The following OTOGL variants were observed in gnomAD, a reference collection of about 807,000 sequenced individuals.
The protein encoded by OTOGL is otogelin like.
OTOGL carries 285 observed loss-of-function variants against 318.5 expected under a neutral mutation model. That is an observed-to-expected ratio of 0.89 (90% CI 0.81 to 0.99). OTOGL has a LOEUF of 0.99. OTOGL is among the 50% of genes least tolerant of loss of function. OTOGL has a pLI of 0.00. For missense variants in OTOGL, 2,899 were observed against 2,845.6 expected (o/e 1.02, Z -0.43); for synonymous variants, 987 against 936.5 (o/e 1.05, Z -0.99).
chr12:80,246,267 C>T (rs11507955), intron 11 of OTOGL, among the ~76,000 whole-genome samples: 1 of 149,182 alleles, frequency 6.7e-6, no homozygotes, highest in South Asian at 2.1e-4. Flanking sequence ...GCTTCCAGTT[C>T]TTGCCCATTC....
At chr12:80,260,795 G>A (rs1274326927) in intron 18 of OTOGL, among the ~76,000 whole-genome samples, 1 of 152,084 alleles carries the variant, frequency 6.6e-6, no homozygotes, top group Non-Finnish European at 1.5e-5. Context: ...CTCTAAGTCA[G>A]TTCCACCTGG....
rs1485344487 is a variant in OTOGL, at chr12:80,295,186, T to TTTTTTTTA, written c.2929-1641_2929-1640insTTTTTTTA. Among the ~76,000 whole-genome samples the TTTTTTTTA allele has an allele frequency of 5.2e-5, 6 of 114,954 alleles. No individual in the cohort carries two copies. The East Asian group carries it at 1.3e-3, about 24-fold the overall frequency. 75.4% of individuals were successfully genotyped at this position (114,954 alleles called of 152,430 possible). On this transcript the variant is annotated intron_variant, in intron 26 of 58. Transcript: ENST00000547103. ...TTTTTTTTTTTTTTTTTTTTTTTTT[T>TTTTTTTTA]AAGACAGAGTCTCAATCTGTCACCC...
intron 3 of OTOGL, 86 bp downstream of exon 3, chr12:80,210,972 G>GA (rs1877210226): frequency 5.7e-6 from 5 of 879,630 alleles, no homozygotes; most frequent in South Asian, 3.1e-5. Flanking sequence ...ATCTGCTTTT[G>GA]AAAAAAATAA....
Position 80,236,142 on chromosome 12 carries a change from C to A in OTOGL, c.818-2709C>A, listed in dbSNP as rs185238277. 1.3e-3 allele frequency among the ~76,000 whole-genome samples: 204 copies of A among 152,252 alleles called. 5 individuals are homozygous for A. Among genetic ancestry groups the A allele is most frequent in the Admixed American group, 0.013 (192 of 15,302 alleles). ...GGGATGACTTCACAAAGAAATTAGA[C>A]TTGTCAGAATTTCTGTACACATAGG... On this transcript the variant is annotated intron_variant, in intron 9 of 58. Transcript: ENST00000547103.
chr12:80,233,184 T>TA lies in OTOGL; in HGVS notation c.817+88dup, dbSNP rs1879534462. ...TTGTTTGTACCCAGAAGACTTGTCA[T>TA]AGCTTTGGGAAAATTTGTGGCTGTC... is the stretch of plus-strand genomic sequence containing the variant. On this transcript the variant is annotated intron_variant, in intron 9 of 58. Transcript: ENST00000547103. The TA allele has an allele frequency of 3.2e-6, 4 of 1,254,584 alleles. No individual in the cohort carries two copies. In the Admixed American group the frequency reaches 1.2e-4, roughly 36 times the overall value. The allele number at this position is 1,254,584 out of a possible 1,614,324, so 77.7% of individuals were successfully genotyped here. A position where few individuals can be genotyped will look rare whatever the true frequency, so the allele number is the denominator to read the frequency against.
intron 9 of OTOGL, among the ~76,000 whole-genome samples, chr12:80,235,680 T>C (rs1486078605): frequency 1.3e-5 from 2 of 152,176 alleles, no homozygotes; most frequent in East Asian, 3.9e-4. Context: ...TGGGGCAGCA[T>C]GCACAAGGGT....
intron 3 of OTOGL, 38 bp downstream of exon 3, chr12:80,210,924 A>G: frequency 3.6e-6 from 5 of 1,390,160 alleles, no homozygotes; most frequent in Non-Finnish European, 3.8e-6. Flanking sequence ...CTAAAACATA[A>G]AGTTAATGGG....
chr12:80,366,101 A>G (rs763525142), intron 52 of OTOGL, among the ~76,000 whole-genome samples: 8 of 152,204 alleles, frequency 5.3e-5, no homozygotes, highest in Non-Finnish European at 8.8e-5. Flanking sequence ...TATTATCCCC[A>G]TATTGCAGAT....
chr12:80,326,743 A>T (rs1402065663), intron 35 of OTOGL, among the ~76,000 whole-genome samples: 1 of 152,218 alleles, frequency 6.6e-6, no homozygotes, highest in African/African-American at 2.4e-5. Context: ...TAAGTTGTTT[A>T]TGTTTTTAAA....
chr12:80,242,370 C>T (rs1880455620), intron 11 of OTOGL, among the ~76,000 whole-genome samples: 2 of 152,006 alleles, frequency 1.3e-5, no homozygotes, highest in Admixed American at 1.3e-4. Flanking sequence ...GGTTTAGGGA[C>T]AAAGCAGGCA....
In OTOGL at chr12:80,353,996, A is replaced by G. The variant is rs549383360; in HGVS notation, c.5593+486A>G. Among the ~76,000 whole-genome samples the G allele has an allele frequency of 1.6e-4, 24 of 152,302 alleles. No homozygotes were observed. In the South Asian group the frequency reaches 5.0e-3, roughly 32 times the overall value. On this transcript the variant is annotated intron_variant, in intron 46 of 58. Coordinates refer to ENST00000547103, the MANE Select transcript of OTOGL (RefSeq NM_001378609.3). ...ATGGTACTATTATCTGGGTACTATG[A>G]TTTGGATGTGATTTGTTCCCACCAA...
At chr12:80,278,724 G>T (rs967694119) in intron 25 of OTOGL, among the ~76,000 whole-genome samples, 1 of 151,466 alleles carries the variant, frequency 6.6e-6, no homozygotes, top group African/African-American at 2.4e-5. Flanking sequence ...ATGGGAGATG[G>T]CATTGTGCTT....
Position 80,358,781 on chromosome 12 carries a change from T to A in OTOGL, c.6226+6T>A, listed in dbSNP as rs925083682. On this transcript the variant is annotated splice_donor_region_variant and intron_variant, in intron 51 of 58. Transcript: ENST00000547103. ...TTGCCCAACATGGCACTGTGGTAAC[T>A]AATTTTCATATTTTAAGGTTTCATT... 6.3e-7 allele frequency: 1 copy of A among 1,591,092 alleles called. No homozygotes were observed. Among genetic ancestry groups the A allele is most frequent in the Admixed American group, 1.7e-5 (1 of 59,474 alleles).
At chr12:80,326,816 A>G (rs1887703163) in intron 35 of OTOGL, among the ~76,000 whole-genome samples, 1 of 152,222 alleles carries the variant, frequency 6.6e-6, no homozygotes, top group African/African-American at 2.4e-5. Context: ...CCTCATTAAG[A>G]CAGAAGTTAA....
Position 80,239,369 on chromosome 12 carries a change from C to A in OTOGL, c.982C>A (p.Pro328Thr). 1 of 1,610,770 alleles carries A rather than the reference C, an allele frequency of 6.2e-7. No homozygotes were observed. Among genetic ancestry groups the A allele is most frequent in the Non-Finnish European group, 8.5e-7 (1 of 1,178,474 alleles). The change falls in exon 11 of 59, where the codon CCT becomes ACT. Residue 328 changes from proline (P) to threonine (T), a missense_variant. Coordinates refer to ENST00000547103, the MANE Select transcript of OTOGL (RefSeq NM_001378609.3). ...FFKCQILLQF[P>T]FLSCHEYIDP... ...CAAGTGTCAGATACTGTTGCAGTTT[C>A]CTTTTCTGAGCTGCCATGAGTATAT...
chr12:80,328,735 C>T lies in OTOGL; in HGVS notation c.4270C>T (p.Pro1424Ser). ...LDEVTLKCVY[P>S]RDCIPVIPTE... Reference sequence around the variant, plus strand: ...TGAGGTCACCCTCAAGTGTGTTTATCCACGAGACTGTAAGTGTGAACGTTG... The same window carrying T: ...TGAGGTCACCCTCAAGTGTGTTTATTCACGAGACTGTAAGTGTGAACGTTG... Residue 1424 changes from proline (P) to serine (S), a missense_variant, in exon 36 of 59, where the codon CCA (proline) becomes TCA (serine). Pro to Ser is a moderately conservative substitution (Grantham distance 74, BLOSUM62 -1). Coordinates refer to ENST00000547103, the MANE Select transcript of OTOGL (RefSeq NM_001378609.3). 6.3e-7 allele frequency: 1 copy of T among 1,596,046 alleles called. No homozygotes were observed.
intron 52 of OTOGL, among the ~76,000 whole-genome samples, chr12:80,365,036 C>G (rs1259313964): frequency 1.3e-5 from 2 of 151,974 alleles, no homozygotes; most frequent in South Asian, 4.1e-4. Flanking sequence ...AAATGGAAAC[C>G]CTTATACACT....
intron 1 of OTOGL, among the ~76,000 whole-genome samples, chr12:80,201,841 A>C (rs1263577588): frequency 6.6e-6 from 1 of 152,184 alleles, no homozygotes; most frequent in South Asian, 2.1e-4. Context: ...AGGTATAATA[A>C]AGGTACCTAG....
intron 1 of OTOGL, among the ~76,000 whole-genome samples, chr12:80,175,957 A>G (rs1277159202): frequency 6.6e-6 from 1 of 152,200 alleles, no homozygotes; most frequent in Non-Finnish European, 1.5e-5. Context: ...TTTAAACAGT[A>G]AATATAGGCA....
Sources: gnomAD v4.1 joint callset for allele counts (sites outside exome capture counted in the v4.1 genomes callset) on GRCh38, gnomAD v4.1.1 for gene constraint, MANE v1.5 for transcripts, NCBI Gene and HGNC (gene_info 2026-07-23, HGNC 2026-07-21) for gene names.